Variants in ST6GALNAC3 observed in about 807,000 individuals in gnomAD.
The protein encoded by ST6GALNAC3 is ST6 N-acetylgalactosaminide alpha-2,6-sialyltransferase 3.
In ST6GALNAC3, 25 loss-of-function variants were observed where a neutral mutation model predicts 32.7. The observed-to-expected ratio is 0.76, with a 90% CI of 0.56 to 1.07. The LOEUF (loss-of-function observed/expected upper bound fraction) is 1.07, where lower values mean the gene tolerates loss of function less well. Among genes scored for constraint, ST6GALNAC3 ranks in the 50% least tolerant of loss-of-function variants. The probability of loss-of-function intolerance (pLI) is 0.00; values close to 1 mark genes in which losing one functional copy is unlikely to be tolerated. For synonymous variants in ST6GALNAC3, 129 were observed against 133.1 expected (o/e 0.97, Z 0.21); for missense variants, 355 against 382.4 (o/e 0.93, Z 0.60).
rs1209364502 is a variant in ST6GALNAC3, at chr1:76,631,175, G to A, written c.*2369G>A. 4 of 321,632 alleles carry A rather than the reference G, an allele frequency of 1.2e-5. No individual in the cohort carries two copies. Among genetic ancestry groups the A allele is most frequent in the Non-Finnish European group, 1.8e-5 (4 of 223,560 alleles). The allele number at this position is 321,632 out of a possible 1,614,324, so 19.9% of individuals were successfully genotyped here. On this transcript the variant is annotated 3_prime_UTR_variant, in exon 5 of 5. Coordinates refer to ENST00000328299, the MANE Select transcript of ST6GALNAC3 (RefSeq NM_152996.4). ...CTCCAGTGTTTTCTTAGGAGGGGTG[G>A]GAAAGGGCTTTCTTTCCTCTCCTCT...
intron 3 of ST6GALNAC3, among the ~76,000 whole-genome samples, chr1:76,508,439 T>C (rs1415896506): frequency 1.3e-5 from 2 of 152,146 alleles, no homozygotes; most frequent in Non-Finnish European, 2.9e-5. Flanking sequence ...ACTATAGTTA[T>C]ATAATGACAG....
intron 1 of ST6GALNAC3, among the ~76,000 whole-genome samples, chr1:76,235,361 G>A (rs1287898588): frequency 6.6e-6 from 1 of 151,828 alleles, no homozygotes; most frequent in Non-Finnish European, 1.5e-5. Flanking sequence ...AAAACTATTA[G>A]CCACGCGTGG....
rs183712933 is a variant in ST6GALNAC3, at chr1:76,627,712, G to A, written c.731+153G>A. Among the ~76,000 whole-genome samples the A allele has an allele frequency of 1.3e-4, 20 of 151,994 alleles. No homozygotes were observed. The Middle Eastern group carries it at 0.01, about 78-fold the overall frequency. Reference sequence around the variant, plus strand: ...TGACATGACATTTTATTGTCAGTGCGTCAAGTTGTGACTTCTAGGGGTGAG... The same window carrying A: ...TGACATGACATTTTATTGTCAGTGCATCAAGTTGTGACTTCTAGGGGTGAG... On this transcript the variant is annotated intron_variant, in intron 4 of 4. Coordinates refer to ENST00000328299, the MANE Select transcript of ST6GALNAC3 (RefSeq NM_152996.4).
intron 1 of ST6GALNAC3, among the ~76,000 whole-genome samples, chr1:76,144,670 CAA>C (rs1650561699): frequency 5.9e-5 from 9 of 152,310 alleles, no homozygotes; most frequent in African/African-American, 2.2e-4. Flanking sequence ...TTAATAAATA[CAA>C]TACTCTCCCC....
At chr1:76,290,400 T>G (rs187743906) in intron 1 of ST6GALNAC3, among the ~76,000 whole-genome samples, 2 of 152,208 alleles carry the variant, frequency 1.3e-5, no homozygotes, top group Admixed American at 1.3e-4. Flanking sequence ...CCTCACTCCT[T>G]TCAATGACTG....
At chr1:76,255,530 G>C (rs1352000530) in intron 1 of ST6GALNAC3, among the ~76,000 whole-genome samples, 1 of 152,096 alleles carries the variant, frequency 6.6e-6, no homozygotes, top group Non-Finnish European at 1.5e-5. Flanking sequence ...GGCCCTGTAA[G>C]GCTGAATTCA....
At chr1:76,517,352 T>G (rs905722284) in intron 3 of ST6GALNAC3, among the ~76,000 whole-genome samples, 1 of 151,934 alleles carries the variant, frequency 6.6e-6, no homozygotes, top group African/African-American at 2.4e-5. Flanking sequence ...CTAGTCAATA[T>G]GACTTTTTAA....
At chr1:76,376,188 C>A (rs1373719716) in intron 2 of ST6GALNAC3, among the ~76,000 whole-genome samples, 1 of 151,824 alleles carries the variant, frequency 6.6e-6, no homozygotes, top group Non-Finnish European at 1.5e-5. Context: ...CAAAGAGATC[C>A]CATATATCTT....
intron 3 of ST6GALNAC3, among the ~76,000 whole-genome samples, chr1:76,446,388 C>T (rs1656967911): frequency 6.6e-6 from 1 of 152,062 alleles, no homozygotes; most frequent in Non-Finnish European, 1.5e-5. Context: ...TGGTGGTGTA[C>T]TTCTTAAGGA....
At chr1:76,581,786 AG>A (rs1286328100) in intron 3 of ST6GALNAC3, among the ~76,000 whole-genome samples, 1 of 152,134 alleles carries the variant, frequency 6.6e-6, no homozygotes, top group Non-Finnish European at 1.5e-5. Context: ...TCTTTGGGTA[AG>A]GATCAATAAT....
At chr1:76,451,044 G>T (rs1657360473) in intron 3 of ST6GALNAC3, among the ~76,000 whole-genome samples, 2 of 152,268 alleles carry the variant, frequency 1.3e-5, no homozygotes, top group African/African-American at 4.8e-5. Context: ...CTCCTTTTGG[G>T]TTCCACATGA....
chr1:76,111,854 G>A (rs1381879315), intron 1 of ST6GALNAC3, among the ~76,000 whole-genome samples: 4 of 151,928 alleles, frequency 2.6e-5, no homozygotes, highest in African/African-American at 4.8e-5. Context: ...ACACAGACAC[G>A]GCAACCATCT....
chr1:76,206,976 T>G (rs1029112306), intron 1 of ST6GALNAC3, among the ~76,000 whole-genome samples: 5 of 152,192 alleles, frequency 3.3e-5, no homozygotes, highest in Non-Finnish European at 7.3e-5. Flanking sequence ...TGCTATTTTA[T>G]TTTTCATTCC....
At chr1:76,297,939 T>G (rs1213710269) in intron 1 of ST6GALNAC3, among the ~76,000 whole-genome samples, 4 of 151,912 alleles carry the variant, frequency 2.6e-5, no homozygotes, top group Non-Finnish European at 5.9e-5. Flanking sequence ...GAAGTAAAGT[T>G]TCTAGGGTTG....
chr1:76,373,717 A>C (rs1651004924), intron 2 of ST6GALNAC3, among the ~76,000 whole-genome samples: 1 of 152,188 alleles, frequency 6.6e-6, no homozygotes, highest in Admixed American at 6.5e-5. Flanking sequence ...CCTAGATCAT[A>C]GATATCTATT....
intron 2 of ST6GALNAC3, among the ~76,000 whole-genome samples, chr1:76,341,963 G>T (rs1648075668): frequency 6.6e-6 from 1 of 151,886 alleles, no homozygotes; most frequent in Non-Finnish European, 1.5e-5. Context: ...TGTGGTGTTT[G>T]GTTTTCCGTT....
intron 1 of ST6GALNAC3, among the ~76,000 whole-genome samples, chr1:76,186,475 A>AT (rs1298629420): frequency 4.6e-5 from 7 of 152,084 alleles, no homozygotes; most frequent in African/African-American, 1.7e-4. Context: ...GGAAAAAAAA[A>AT]GCAGTATTTT....
rs567681669 is a variant in ST6GALNAC3, at chr1:76,173,728, C to T, written c.18+98844C>T. ...GACATTTATGTGGCCAACAAACATA[C>T]GAAGAAAAGCTCAACATCACTGATC... On this transcript the variant is annotated intron_variant, in intron 1 of 4. Coordinates refer to ENST00000328299, the MANE Select transcript of ST6GALNAC3 (RefSeq NM_152996.4). Among the ~76,000 whole-genome samples, 20 of 152,108 alleles carry T rather than the reference C, an allele frequency of 1.3e-4. No homozygotes were observed. The South Asian group carries it at 2.9e-3, about 22-fold the overall frequency.
intron 2 of ST6GALNAC3, among the ~76,000 whole-genome samples, chr1:76,404,595 C>T (rs909403987): frequency 6.6e-6 from 1 of 152,052 alleles, no homozygotes; most frequent in African/African-American, 2.4e-5. Flanking sequence ...CGTCATTATA[C>T]ATGTTGAAGC....
Sources: allele counts gnomAD v4.1 joint callset (sites outside exome capture counted in the v4.1 genomes callset), GRCh38; gene constraint gnomAD v4.1.1; transcripts MANE v1.5; gene names NCBI Gene and HGNC (gene_info 2026-07-23, HGNC 2026-07-21).